Variants in CNTNAP2 observed in about 807,000 individuals in gnomAD.
CNTNAP2 encodes the protein contactin-associated protein-like 2.
CNTNAP2 carries 98 observed loss-of-function variants against 155.2 expected under a neutral mutation model. That is an observed-to-expected ratio of 0.63 (90% confidence interval 0.54 to 0.75). The LOEUF is 0.75. CNTNAP2 is among the 30% of genes least tolerant of loss of function. CNTNAP2 has a pLI of 0.00. For synonymous variants in CNTNAP2, 651 were observed against 631.2 expected (o/e 1.03, Z -0.47); for missense variants, 1,727 against 1,688.1 (o/e 1.02, Z -0.40).
chr7:147,221,683 C>T (rs1345928783), intron 8 of CNTNAP2, among the ~76,000 whole-genome samples: 3 of 152,196 alleles, frequency 2.0e-5, no homozygotes, highest in African/African-American at 7.2e-5. Flanking sequence ...TTCTTTGATG[C>T]TCTTCCATTC....
chr7:148,188,589 G>A (rs774814949), intron 18 of CNTNAP2, among the ~76,000 whole-genome samples: 2 of 152,300 alleles, frequency 1.3e-5, no homozygotes, highest in Non-Finnish European at 2.9e-5. Flanking sequence ...TCTCCCCTCT[G>A]GCAGTTTCTC....
rs112712562 is a variant in CNTNAP2, at chr7:147,512,507, A to T, written c.1777+26466A>T. On this transcript the variant is annotated intron_variant, in intron 11 of 23. Coordinates refer to ENST00000361727, the MANE Select transcript of CNTNAP2 (RefSeq NM_014141.6). ...GAATCTAGCCATATTCAACTTTCATACATCATTTTTTCTCATAACTAAAGA... is the reference window on the plus strand; with the variant it reads ...GAATCTAGCCATATTCAACTTTCATTCATCATTTTTTCTCATAACTAAAGA... 4.6e-5 allele frequency among the ~76,000 whole-genome samples: 7 copies of T among 152,262 alleles called. 1 individual carries two copies. The highest frequency in any genetic ancestry group is 1.7e-4 in the African/African-American group (7 of 41,570).
intron 4 of CNTNAP2, among the ~76,000 whole-genome samples, chr7:147,094,298 T>A (rs2129274432): frequency 6.6e-6 from 1 of 152,290 alleles, no homozygotes; most frequent in African/African-American, 2.4e-5. Flanking sequence ...TTAAGAAGAT[T>A]GAGGTTCTTT....
chr7:146,532,880 C>A (rs1035387392), intron 1 of CNTNAP2, among the ~76,000 whole-genome samples: 1 of 151,370 alleles, frequency 6.6e-6, no homozygotes, highest in Non-Finnish European at 1.5e-5. Context: ...GTCAGGAGTT[C>A]GAGACCAGCC....
chr7:148,420,991 TC>T lies in CNTNAP2; in HGVS notation c.*5377del, dbSNP rs1800102072. 2 of 152,598 alleles carry T rather than the reference TC, an allele frequency of 1.3e-5. No homozygotes were observed. Among genetic ancestry groups the T allele is most frequent in the Non-Finnish European group, 2.9e-5 (2 of 68,040 alleles). 9.5% of individuals were successfully genotyped at this position (152,598 alleles called of 1,614,324 possible). ...AAAAAATTCAAAGTAGTTTTAATTATCCTAAAAGCGATTCTTCGTGTTTTGT... is the reference window on the plus strand; with the variant it reads ...AAAAAATTCAAAGTAGTTTTAATTATCTAAAAGCGATTCTTCGTGTTTTGT... On this transcript the variant is annotated 3_prime_UTR_variant, in exon 24 of 24. Transcript: ENST00000361727.
intron 15 of CNTNAP2, among the ~76,000 whole-genome samples, chr7:148,077,904 C>T (rs1803522913): frequency 6.6e-6 from 1 of 152,152 alleles, no homozygotes; most frequent in African/African-American, 2.4e-5. Context: ...GTTTTTCTTA[C>T]CAGTTTTACT....
chr7:147,484,715 G>T (rs1161452767), intron 10 of CNTNAP2, among the ~76,000 whole-genome samples: 2 of 152,322 alleles, frequency 1.3e-5, no homozygotes, highest in East Asian at 3.9e-4. Context: ...GTGGTAAATT[G>T]AGAACAGGAG....
At chr7:146,146,100 C>G (rs1344118496) in intron 1 of CNTNAP2, among the ~76,000 whole-genome samples, 5 of 152,106 alleles carry the variant, frequency 3.3e-5, no homozygotes, top group Non-Finnish European at 5.9e-5. Flanking sequence ...AAACCCCAAT[C>G]AGTTGAAAGA....
chr7:148,409,259 G>T lies in CNTNAP2; in HGVS notation c.3716-132G>T. 4.1e-6 allele frequency: 3 copies of T among 733,462 alleles called. No homozygotes were observed. The South Asian group carries it at 4.6e-5, about 11-fold the overall frequency. 45.4% of individuals were successfully genotyped at this position (733,462 alleles called of 1,614,324 possible). On this transcript the variant is annotated intron_variant, in intron 22 of 23. Coordinates refer to ENST00000361727, the MANE Select transcript of CNTNAP2 (RefSeq NM_014141.6). The stretch of plus-strand genomic sequence containing the variant: ...TCTTGTGGGAGACAATGGCAAGACG[G>T]GTCCATCTGAAATGGAGATTTCATT...
chr7:146,930,921 C>A (rs1166668121), intron 3 of CNTNAP2, among the ~76,000 whole-genome samples: 1 of 152,088 alleles, frequency 6.6e-6, no homozygotes, highest in South Asian at 2.1e-4. Flanking sequence ...TACAGGAGCA[C>A]CCAGATTCAT....
intron 1 of CNTNAP2, among the ~76,000 whole-genome samples, chr7:146,667,770 T>A (rs567982031): frequency 6.6e-6 from 1 of 152,162 alleles, no homozygotes; most frequent in Non-Finnish European, 1.5e-5. Context: ...GATCTCTTTT[T>A]TTTAGTTTGT....
At chr7:146,483,122 A>G (rs1796990066) in intron 1 of CNTNAP2, among the ~76,000 whole-genome samples, 1 of 150,142 alleles carries the variant, frequency 6.7e-6, no homozygotes, top group Non-Finnish European at 1.5e-5. Context: ...TAAAAATACA[A>G]AAAATTAGCC....
intron 1 of CNTNAP2, among the ~76,000 whole-genome samples, chr7:146,301,785 A>T (rs756663275): frequency 6.6e-6 from 1 of 152,168 alleles, no homozygotes; most frequent in Non-Finnish European, 1.5e-5. Context: ...AGGAGCAAAC[A>T]TAAACACGGG....
Position 148,283,283 on chromosome 7 carries a change from G to GTT in CNTNAP2, c.3475+16157_3475+16158insTT, listed in dbSNP as rs1235705792. Among the ~76,000 whole-genome samples the GTT allele has an allele frequency of 2.8e-3, 229 of 80,378 alleles. 23 individuals carry two copies. The highest frequency in any genetic ancestry group is 0.015 in the African/African-American group (205 of 13,752). 52.7% of individuals were successfully genotyped at this position (80,378 alleles called of 152,430 possible). On this transcript the variant is annotated intron_variant, in intron 21 of 23. Coordinates refer to ENST00000361727, the MANE Select transcript of CNTNAP2 (RefSeq NM_014141.6). ...AGAAAGAAAGAAAGAAAGAAAGAAA[G>GTT]AAAGAAAGAAAGAAAGAAAGAAAGG...
intron 1 of CNTNAP2, among the ~76,000 whole-genome samples, chr7:146,502,701 T>C (rs1169712185): frequency 6.6e-6 from 1 of 152,118 alleles, no homozygotes; most frequent in Admixed American, 6.6e-5. Context: ...AACCTCTCCC[T>C]CCCAGGTTCA....
intron 1 of CNTNAP2, among the ~76,000 whole-genome samples, chr7:146,610,287 G>A (rs564213697): frequency 6.6e-6 from 1 of 152,152 alleles, no homozygotes; most frequent in African/African-American, 2.4e-5. Flanking sequence ...GATAGGAAAG[G>A]CTTGAAACAT....
At chr7:148,224,934 C>A (rs1461313421) in intron 19 of CNTNAP2, among the ~76,000 whole-genome samples, 2 of 152,152 alleles carry the variant, frequency 1.3e-5, no homozygotes, top group African/African-American at 2.4e-5. Context: ...TAACCACCCT[C>A]ATGATTCAGT....
At chr7:147,698,124 T>G (rs183373553) in intron 13 of CNTNAP2, among the ~76,000 whole-genome samples, 1 of 152,212 alleles carries the variant, frequency 6.6e-6, no homozygotes, top group Admixed American at 6.5e-5. Context: ...TCTCCAATGT[T>G]GCCCTGTGGT....
chr7:147,822,925 AGACAAGGG>A (rs1381620461), intron 13 of CNTNAP2, among the ~76,000 whole-genome samples: 1 of 152,212 alleles, frequency 6.6e-6, no homozygotes, highest in African/African-American at 2.4e-5. Context: ...ACTCTGCAAG[AGACAAGGG>A]TTGGTACAGA....
Sources: allele counts gnomAD v4.1 joint callset (sites outside exome capture counted in the v4.1 genomes callset), GRCh38; gene constraint gnomAD v4.1.1; transcripts MANE v1.5; gene names NCBI Gene and HGNC (gene_info 2026-07-23, HGNC 2026-07-21).